PCDH7: variants seen among roughly 807,000 people sequenced by gnomAD.
The protein encoded by PCDH7 is protocadherin-7.
In PCDH7, 17 loss-of-function variants were observed where a neutral mutation model predicts 58.9. The observed-to-expected ratio is 0.29, with a 90% confidence interval of 0.20 to 0.43. PCDH7 has a LOEUF of 0.43. PCDH7 is among the 20% of genes least tolerant of loss of function. The probability of loss-of-function intolerance (pLI) is 1.00; values close to 1 mark genes in which losing one functional copy is unlikely to be tolerated. For missense variants in PCDH7, 1,274 were observed against 1,441.0 expected (o/e 0.88, Z 1.88); for synonymous variants, 664 against 616.4 (o/e 1.08, Z -1.14).
At chr4:31,079,638 C>T (rs532551559) in intron 3 of PCDH7, among the ~76,000 whole-genome samples, 29 of 151,158 alleles carry the variant, frequency 1.9e-4, no homozygotes, top group African/African-American at 6.1e-4. Flanking sequence ...AGAAATTTTG[C>T]AATAGCTGGT....
intron 2 of PCDH7, among the ~76,000 whole-genome samples, chr4:30,941,472 T>A (rs182034294): frequency 1.3e-5 from 2 of 152,076 alleles, no homozygotes; most frequent in Admixed American, 1.3e-4. Flanking sequence ...ATTATTACAT[T>A]TATGTGGCTA....
intron 1 of PCDH7, among the ~76,000 whole-genome samples, chr4:30,764,593 T>G (rs1720450576): frequency 6.6e-6 from 1 of 152,216 alleles, no homozygotes; most frequent in Admixed American, 6.5e-5. Context: ...GTAAATGCAC[T>G]GTGTTAACTT....
chr4:30,909,277 A>T (rs984662469), intron 1 of PCDH7, among the ~76,000 whole-genome samples: 4 of 152,188 alleles, frequency 2.6e-5, no homozygotes, highest in Non-Finnish European at 5.9e-5. Context: ...GCACAAGACA[A>T]GGATGCCCTC....
At chr4:30,958,496 C>A (rs1748077183) in intron 3 of PCDH7, among the ~76,000 whole-genome samples, 1 of 151,826 alleles carries the variant, frequency 6.6e-6, no homozygotes, top group Non-Finnish European at 1.5e-5. Context: ...CAAATAATAA[C>A]ATTAGAAAAT....
rs532540462 is a variant in PCDH7, at chr4:30,793,509, T to C, written c.70+68913T>C. ...TCATGTTGTGACCTAAGCCATTGTA[T>C]TCCCAACGGGTTTAGTGAAGACAAT... On this transcript the variant is annotated intron_variant, in intron 1 of 3. Transcript: ENST00000509759. 3.3e-5 allele frequency among the ~76,000 whole-genome samples: 5 copies of C among 152,194 alleles called. No individual in the cohort carries two copies. In the South Asian group the frequency reaches 8.3e-4, roughly 25 times the overall value.
At chr4:30,824,667 C>G (rs1417961890) in intron 1 of PCDH7, among the ~76,000 whole-genome samples, 1 of 151,970 alleles carries the variant, frequency 6.6e-6, no homozygotes, top group Non-Finnish European at 1.5e-5. Context: ...AATACAGGCC[C>G]GGTTTTAGCA....
At chr4:30,985,005 C>T (rs567411525) in intron 3 of PCDH7, among the ~76,000 whole-genome samples, 4 of 152,132 alleles carry the variant, frequency 2.6e-5, no homozygotes, top group East Asian at 1.9e-4. Flanking sequence ...CTTGCTCCGT[C>T]GCCCAGACTG....
intron 2 of PCDH7, among the ~76,000 whole-genome samples, chr4:30,929,902 A>T (rs2109424878): frequency 6.6e-6 from 1 of 152,300 alleles, no homozygotes; most frequent in Admixed American, 6.5e-5. Flanking sequence ...AGGTCCTAGC[A>T]GCTATAGCTG....
intron 3 of PCDH7, among the ~76,000 whole-genome samples, chr4:31,005,132 G>T (rs1426055193): frequency 1.3e-5 from 2 of 152,160 alleles, no homozygotes; most frequent in Non-Finnish European, 2.9e-5. Context: ...AATTTCAAAT[G>T]GTTTATCTTG....
At chr4:30,762,272 A>G (rs1350337168) in intron 1 of PCDH7, among the ~76,000 whole-genome samples, 2 of 152,054 alleles carry the variant, frequency 1.3e-5, no homozygotes, top group Admixed American at 6.6e-5. Flanking sequence ...TTTTCCCCTG[A>G]GGCAATAGGA....
intron 1 of PCDH7, among the ~76,000 whole-genome samples, chr4:30,828,472 G>T (rs1729365398): frequency 6.6e-6 from 1 of 151,788 alleles, no homozygotes; most frequent in Non-Finnish European, 1.5e-5. Context: ...AACAATGTCA[G>T]TTACCTCATT....
At chr4:31,038,404 C>A in intron 3 of PCDH7, among the ~76,000 whole-genome samples, 1 of 151,730 alleles carries the variant, frequency 6.6e-6, no homozygotes. Flanking sequence ...AGTGATGAAA[C>A]CAAATATTTC....
At position 30,720,538 on chromosome 4, in the gene PCDH7, T is replaced by A. The variant is rs1192937159; in HGVS notation, c.-885T>A. 1 of 152,660 alleles carries A rather than the reference T, an allele frequency of 6.6e-6. No homozygotes were observed. 9.5% of individuals were successfully genotyped at this position (152,660 alleles called of 1,614,324 possible). ...GCTGCTGCGGTTTCAGGCGGCTGCT[T>A]CGTGACTAATGACCTTGCGCAGAGT... On this transcript the variant is annotated 5_prime_UTR_variant, in exon 1 of 2. Transcript: ENST00000361762. This position sits in a 1 kb window ranked among gnomAD's most constrained non-coding sequence, Gnocchi z 4.7.
At chr4:31,077,350 A>T (rs963195619) in intron 3 of PCDH7, among the ~76,000 whole-genome samples, 1 of 150,496 alleles carries the variant, frequency 6.6e-6, no homozygotes, top group African/African-American at 2.5e-5. Flanking sequence ...CAGAGGTTGC[A>T]GTGAGCTGAG....
At chr4:31,126,784 G>A (rs1394887399) in intron 3 of PCDH7, among the ~76,000 whole-genome samples, 4 of 152,164 alleles carry the variant, frequency 2.6e-5, no homozygotes, top group Admixed American at 1.3e-4. Context: ...TAAATTTTAA[G>A]TGTGCCATTT....
intron 3 of PCDH7, among the ~76,000 whole-genome samples, chr4:30,962,506 G>A (rs754584260): frequency 2.0e-4 from 31 of 152,198 alleles, no homozygotes; most frequent in Middle Eastern, 6.8e-3. Context: ...GTAATTCTAG[G>A]ATGGGCATGG....
At chr4:31,062,797 A>C (rs929287696) in intron 3 of PCDH7, among the ~76,000 whole-genome samples, 1 of 151,762 alleles carries the variant, frequency 6.6e-6, no homozygotes, top group Non-Finnish European at 1.5e-5. Context: ...CTTTTGATTG[A>C]TATAAAGCGT....
intron 3 of PCDH7, among the ~76,000 whole-genome samples, chr4:31,078,403 C>A (rs140731113): frequency 1.3e-5 from 2 of 152,078 alleles, no homozygotes; most frequent in African/African-American, 4.8e-5. Context: ...CCACTTCAGC[C>A]TCCCAAGTAG....
intron 3 of PCDH7, among the ~76,000 whole-genome samples, chr4:31,116,846 T>A (rs965013652): frequency 1.3e-5 from 2 of 152,052 alleles, no homozygotes; most frequent in African/African-American, 4.8e-5. Context: ...GTTGTTTGGT[T>A]TTTTTTGAGA....
Sources: allele counts gnomAD v4.1 joint callset (sites outside exome capture counted in the v4.1 genomes callset), GRCh38; gene constraint gnomAD v4.1.1; non-coding constraint Gnocchi (gnomAD v3.1); transcripts MANE v1.5; gene names NCBI Gene and HGNC (gene_info 2026-07-23, HGNC 2026-07-21).